Variants in CCDC171 observed in about 807,000 individuals in gnomAD.
CCDC171 encodes coiled-coil domain-containing protein 171.
CCDC171 carries 177 observed loss-of-function variants against 168.2 expected under a neutral mutation model. The ratio of observed to expected loss-of-function variants is 1.05; its 90% CI spans 0.93 to 1.19. The LOEUF (loss-of-function observed/expected upper bound fraction) is 1.19. CCDC171 is among the 50% of genes most tolerant of loss of function. The probability of loss-of-function intolerance (pLI) is 0.00; values close to 1 mark genes in which losing one functional copy is unlikely to be tolerated. For synonymous variants in CCDC171, 687 were observed against 540.8 expected (o/e 1.27, Z -3.75); for missense variants, 1,991 against 1,539.0 (o/e 1.29, Z -4.91).
chr9:16,057,637 G>T (rs1157520125), intron 1 of CCDC171, among the ~76,000 whole-genome samples: 1 of 152,178 alleles, frequency 6.6e-6, no homozygotes, highest in Non-Finnish European at 1.5e-5. Context: ...GTCTCTTCAT[G>T]TGACCTGCCA....
intron 21 of CCDC171, among the ~76,000 whole-genome samples, chr9:15,811,769 C>G (rs904998148): frequency 6.6e-6 from 1 of 152,092 alleles, no homozygotes. Context: ...ATAGTTACTT[C>G]GATGATGGAG....
At chr9:15,603,665 G>A (rs954235513) in intron 6 of CCDC171, among the ~76,000 whole-genome samples, 7 of 151,734 alleles carry the variant, frequency 4.6e-5, no homozygotes, top group African/African-American at 1.5e-4. Context: ...ATGGGCATTT[G>A]GGTTGATTCC....
chr9:15,815,830 T>C (rs1484471963), intron 21 of CCDC171, among the ~76,000 whole-genome samples: 1 of 117,422 alleles, frequency 8.5e-6, no homozygotes, highest in Non-Finnish European at 1.9e-5. Flanking sequence ...CTTTTTACTT[T>C]AATCCCATAT....
intron 21 of CCDC171, among the ~76,000 whole-genome samples, chr9:15,836,022 G>C (rs188396050): frequency 6.6e-6 from 1 of 152,144 alleles, no homozygotes; most frequent in Admixed American, 6.5e-5. Context: ...CAGATGACTT[G>C]CTGTGATTTT....
intron 18 of CCDC171, among the ~76,000 whole-genome samples, chr9:15,759,115 C>T (rs1037541932): frequency 3.3e-5 from 5 of 152,142 alleles, no homozygotes; most frequent in Non-Finnish European, 7.3e-5. Context: ...CCCTCCCTCC[C>T]TCTCTCCAGC....
chr9:15,770,478 T>A (rs2056956915), intron 18 of CCDC171, among the ~76,000 whole-genome samples: 1 of 152,178 alleles, frequency 6.6e-6, no homozygotes, highest in Non-Finnish European at 1.5e-5. Flanking sequence ...TCCACCAGAC[T>A]GCCAAAGGTA....
intron 2 of CCDC171, 74 bp from the exon 3 acceptor site, chr9:15,571,550 T>C: frequency 8.1e-7 from 1 of 1,240,484 alleles, no homozygotes; most frequent in Non-Finnish European, 1.1e-6. Flanking sequence ...AAATAAGTTA[T>C]CAAAAATATC....
rs572717075 is a variant in CCDC171, at chr9:15,906,257, C to T, written c.3601-14013C>T. Among the ~76,000 whole-genome samples, 9 of 152,158 alleles carry T rather than the reference C, an allele frequency of 5.9e-5. No individual in the cohort carries two copies. The East Asian group carries it at 9.6e-4, about 16-fold the overall frequency. On this transcript the variant is annotated intron_variant, in intron 24 of 25. Transcript: ENST00000380701. ...TTAGACCAATGTCCTTGATGAACATCGATGCAAAAATCCTCAATAAAATAC... is the reference window on the plus strand; with the variant it reads ...TTAGACCAATGTCCTTGATGAACATTGATGCAAAAATCCTCAATAAAATAC...
At chr9:15,814,254 T>G (rs1563791902) in intron 21 of CCDC171, among the ~76,000 whole-genome samples, 1 of 152,220 alleles carries the variant, frequency 6.6e-6, no homozygotes, top group Admixed American at 6.5e-5. Context: ...CAAAGTGAGT[T>G]GATTTCTCCC....
chr9:15,777,927 T>C, intron 19 of CCDC171, 101 bp downstream of exon 19: 1 of 726,070 alleles, frequency 1.4e-6, no homozygotes, highest in Non-Finnish European at 2.1e-6. Context: ...CATGAATGTA[T>C]CTGGATTTTC....
chr9:15,876,555 A>G (rs1300276787), intron 24 of CCDC171, among the ~76,000 whole-genome samples: 1 of 152,172 alleles, frequency 6.6e-6, no homozygotes, highest in African/African-American at 2.4e-5. Context: ...GCTAAGCTGA[A>G]TTAATAAATC....
At chr9:15,710,772 T>G (rs961797888) in intron 11 of CCDC171, among the ~76,000 whole-genome samples, 1 of 151,916 alleles carries the variant, frequency 6.6e-6, no homozygotes, top group African/African-American at 2.4e-5. Flanking sequence ...ATTTTTGTAT[T>G]ATTTAGTAGA....
At chr9:15,662,264 G>T in intron 8 of CCDC171, among the ~76,000 whole-genome samples, 1 of 152,252 alleles carries the variant, frequency 6.6e-6, no homozygotes, top group South Asian at 2.1e-4. Context: ...GTGACAGAGT[G>T]AGACTCTGTC....
At chr9:15,583,076 A>G (rs979435036) in intron 4 of CCDC171, among the ~76,000 whole-genome samples, 2 of 152,192 alleles carry the variant, frequency 1.3e-5, no homozygotes, top group African/African-American at 2.4e-5. Flanking sequence ...CAATTGCAAA[A>G]ATATCGAACC....
At chr9:15,837,819 G>T (rs545197799) in intron 21 of CCDC171, among the ~76,000 whole-genome samples, 9 of 152,280 alleles carry the variant, frequency 5.9e-5, no homozygotes, top group Admixed American at 5.2e-4. Context: ...TTTATTGCAC[G>T]ATGGGAAAGC....
intron 6 of CCDC171, among the ~76,000 whole-genome samples, chr9:15,613,902 A>G (rs1440731445): frequency 6.6e-6 from 1 of 152,250 alleles, no homozygotes; most frequent in Admixed American, 6.5e-5. Context: ...GTCTAAATCT[A>G]TAAAGTGTGT....
chr9:15,777,540 G>A (rs2057392606), intron 18 of CCDC171, 60 bp from the exon 19 acceptor site: 1 of 950,924 alleles, frequency 1.1e-6, no homozygotes, highest in African/African-American at 1.6e-5. Flanking sequence ...GATTAGCAGT[G>A]TTGTGAAATG....
At chr9:15,633,724 C>T (rs1012140694) in intron 7 of CCDC171, among the ~76,000 whole-genome samples, 3 of 152,138 alleles carry the variant, frequency 2.0e-5, no homozygotes, top group South Asian at 4.1e-4. Context: ...CACATGCACA[C>T]GTATGTTTAT....
intron 21 of CCDC171, among the ~76,000 whole-genome samples, chr9:15,808,955 C>A (rs1197117165): frequency 6.6e-6 from 1 of 152,180 alleles, no homozygotes; most frequent in African/African-American, 2.4e-5. Flanking sequence ...ATGGCACCTT[C>A]TTGCTGTGTC....
Sources: allele counts gnomAD v4.1 joint callset (sites outside exome capture counted in the v4.1 genomes callset), GRCh38; gene constraint gnomAD v4.1.1; transcripts MANE v1.5; gene names NCBI Gene and HGNC (gene_info 2026-07-23, HGNC 2026-07-21).